The following ANLN variants were observed in gnomAD, a reference collection of about 807,000 sequenced individuals.
ANLN encodes anillin, actin binding protein.
In ANLN, 59 loss-of-function variants were observed where a neutral mutation model predicts 135.1. That is an observed-to-expected ratio of 0.44 (90% CI 0.35 to 0.54). The LOEUF (loss-of-function observed/expected upper bound fraction) is 0.54. Ranked by LOEUF, ANLN falls within the 20% of genes least tolerant of loss-of-function variation. The pLI, the probability that ANLN is intolerant of heterozygous loss-of-function variation, is 0.00. For missense variants in ANLN, 1,182 were observed against 1,340.0 expected, an observed-to-expected ratio of 0.88 and a Z score of 1.84; for synonymous variants, 406 against 456.4, an observed-to-expected ratio of 0.89 and a Z score of 1.41.
chr7:36,447,676 G>A lies in ANLN; in HGVS notation c.3079-1989G>A, dbSNP rs773894350. Among the ~76,000 whole-genome samples the A allele has an allele frequency of 5.3e-5, 8 of 152,038 alleles. 1 individual carries two copies. Among genetic ancestry groups the A allele is most frequent in the Admixed American group, 2.6e-4 (4 of 15,264 alleles). ...CTCAGTTGATCCTATAACTCAGAACGCTACTAAGTGACTACTGAGCAGGTA... is the reference window on the plus strand; with the variant it reads ...CTCAGTTGATCCTATAACTCAGAACACTACTAAGTGACTACTGAGCAGGTA... On this transcript the variant is annotated intron_variant, in intron 22 of 23. Coordinates refer to ENST00000265748, the MANE Select transcript of ANLN (RefSeq NM_018685.5).
Position 36,420,376 on chromosome 7 carries a change from G to A in ANLN, c.2015+62G>A, listed in dbSNP as rs934743767. 2.8e-5 allele frequency: 43 copies of A among 1,553,930 alleles called. No individual in the cohort carries two copies. In the East Asian group the frequency reaches 4.1e-4, roughly 15 times the overall value. On this transcript the variant is annotated intron_variant, in intron 11 of 23. Transcript: ENST00000265748. ...GTCATGGTTTAGATTGACATAAGTC[G>A]TGTTATAATTTGTAATTATAATGTT...
chr7:36,421,065 A>G (rs1022096065), intron 12 of ANLN, among the ~76,000 whole-genome samples: 13 of 149,496 alleles, frequency 8.7e-5, no homozygotes, highest in Non-Finnish European at 1.9e-4. Context: ...TTTTCATGCT[A>G]AGGAAGCTTT....
intron 20 of ANLN, among the ~76,000 whole-genome samples, chr7:36,435,590 A>G (rs988426591): frequency 6.6e-6 from 1 of 152,070 alleles, no homozygotes; most frequent in Non-Finnish European, 1.5e-5. Context: ...AGATTTATCC[A>G]TGGCCGGGCG....
intron 19 of ANLN, 35 bp from the exon 20 acceptor site, chr7:36,426,881 T>C: frequency 7.2e-7 from 1 of 1,382,442 alleles, no homozygotes. Flanking sequence ...ACAAAAGTCA[T>C]TCTGAACTAA....
At chr7:36,433,608 T>C (rs1788414559) in intron 20 of ANLN, among the ~76,000 whole-genome samples, 1 of 152,228 alleles carries the variant, frequency 6.6e-6, no homozygotes, top group African/African-American at 2.4e-5. Flanking sequence ...CCATTGTCTC[T>C]TAAAGTTATT....
intron 2 of ANLN, among the ~76,000 whole-genome samples, chr7:36,397,581 A>G (rs1270537879): frequency 6.6e-6 from 1 of 152,222 alleles, no homozygotes. Flanking sequence ...AGTGAGTTAT[A>G]AAACATTAGA....
rs75513850 is a variant in ANLN at position 36,452,748 on chromosome 7, T to C, written c.*148T>C. 162 of 827,660 alleles carry C rather than the reference T, an allele frequency of 2.0e-4. No homozygotes were observed. In the African/African-American group the frequency reaches 2.5e-3, roughly 13 times the overall value. The allele number at this position is 827,660 out of a possible 1,614,324, so 51.3% of individuals were successfully genotyped here. ...CTACGTATTATGCAGTATTTATATC[T>C]TTTGTATGTAAAACTTTAACTGATT... On this transcript the variant is annotated 3_prime_UTR_variant, in exon 24 of 24. Transcript: ENST00000265748.
At chr7:36,402,365 GGCCTCCCAAAATACT>G (rs1198784930) in intron 3 of ANLN, among the ~76,000 whole-genome samples, 1 of 151,492 alleles carries the variant, frequency 6.6e-6, no homozygotes, top group Non-Finnish European at 1.5e-5. Flanking sequence ...CACCCGCCTC[GGCCTCCCAAAATACT>G]GGGATTACAG....
At chr7:36,416,292 TA>T (rs1201106951) in intron 8 of ANLN, among the ~76,000 whole-genome samples, 1 of 152,334 alleles carries the variant, frequency 6.6e-6, no homozygotes, top group East Asian at 1.9e-4. Flanking sequence ...GTACTGGGAT[TA>T]CAGGGGTCAG....
Position 36,406,512 on chromosome 7 carries a change from A to G in ANLN, c.819A>G (p.Leu273=), listed in dbSNP as rs3735398. The G allele has an allele frequency of 0.12, 184,288 of 1,564,226 alleles. 11,382 individuals carry two copies. The highest frequency in any genetic ancestry group is 0.18 in the Admixed American group (10,143 of 54,922). ...GCGATGCCTCTTTGAATAAAGCCCT[A>G]TCCTCAAGTGCTGATGATGCGTCTT... ...RDGDASLNKA[L]SSSADDASLV... Residue 273 remains leucine, a synonymous_variant, in exon 4 of 24, where the codon CTA becomes CTG. Transcript: ENST00000265748.
At chr7:36,400,722 A>C (rs911150683) in intron 3 of ANLN, among the ~76,000 whole-genome samples, 20 of 152,240 alleles carry the variant, frequency 1.3e-4, no homozygotes, top group African/African-American at 4.6e-4. Context: ...GCTTGCAGAC[A>C]GCTCAGTGGC....
chr7:36,415,799 T>C lies in ANLN; in HGVS notation c.1437T>C (p.Gly479=). The C allele has an allele frequency of 1.2e-6, 2 of 1,608,382 alleles. No homozygotes were observed. ...GCACTCCCCTCAAAAAACACCAAGG[T>C]GTTTCAAAAACTCAGTCACTTCCAG... ...CQSTPLKKHQ[G]VSKTQSLPVT... is the part of the protein sequence containing the mutation. Residue 479 remains glycine, a synonymous_variant, in exon 8 of 24, where the codon GGT becomes GGC. Coordinates refer to ENST00000265748, the MANE Select transcript of ANLN (RefSeq NM_018685.5).
chr7:36,419,321 G>A lies in ANLN; in HGVS notation c.1711G>A (p.Asp571Asn), dbSNP rs1031326764. 2 of 1,614,066 alleles carry A rather than the reference G, an allele frequency of 1.2e-6. No individual in the cohort carries two copies. Among genetic ancestry groups the A allele is most frequent in the African/African-American group, 1.3e-5 (1 of 75,054 alleles). Reference protein sequence around the residue: ...SSKVINDLFSDVLEEGELDME... With the variant: ...SSKVINDLFSNVLEEGELDME... ...GAAAGTAATTAATGACCTCTTCAGTGATGTCCTAGAGGAAGGTGAACTAGA... is the reference window on the plus strand; with the variant it reads ...GAAAGTAATTAATGACCTCTTCAGTAATGTCCTAGAGGAAGGTGAACTAGA... The change falls in exon 10 of 24, where the codon GAT becomes AAT. Residue 571 changes from aspartate to asparagine, a missense_variant. By Grantham distance (23) the Asp-to-Asn change is conservative. Transcript: ENST00000265748.
intron 20 of ANLN, among the ~76,000 whole-genome samples, chr7:36,437,754 G>GTTTTA (rs546892503): frequency 3.9e-4 from 59 of 149,918 alleles, no homozygotes; most frequent in South Asian, 8.4e-4. Context: ...CTTTCTAAGA[G>GTTTTA]TTTTATTTTA....
chr7:36,439,288 C>T lies in ANLN; in HGVS notation c.2968C>T (p.Leu990=). Residue 990 remains leucine, a splice_region_variant and synonymous_variant, in exon 21 of 24, where the codon CTA becomes TTA. Coordinates refer to ENST00000265748, the MANE Select transcript of ANLN (RefSeq NM_018685.5). ...VNSSVEERGF[L]TIFEDVSGFG... ...TTCCAGTGTTGAAGAAAGAGGTTTT[C>T]TAGTAAGTAACATCACTTAGTCTTT... 6.6e-7 allele frequency: 1 copy of T among 1,518,426 alleles called. No individual in the cohort carries two copies. Among genetic ancestry groups the T allele is most frequent in the Non-Finnish European group, 9.1e-7 (1 of 1,102,526 alleles). The allele number at this position is 1,518,426 out of a possible 1,614,324, so 94.1% of individuals were successfully genotyped here.
chr7:36,452,180 A>T (rs994290038), intron 23 of ANLN, among the ~76,000 whole-genome samples: 3 of 152,166 alleles, frequency 2.0e-5, no homozygotes, highest in Non-Finnish European at 2.9e-5. Context: ...TGGGTGTCCT[A>T]TACCATCAGG....
intron 20 of ANLN, among the ~76,000 whole-genome samples, chr7:36,435,618 A>G (rs1013848208): frequency 6.6e-6 from 1 of 152,056 alleles, no homozygotes. Context: ...TCACGCCTGT[A>G]ATCCCAGCAC....
At chr7:36,442,045 C>A (rs1441454220) in intron 21 of ANLN, among the ~76,000 whole-genome samples, 1 of 152,082 alleles carries the variant, frequency 6.6e-6, no homozygotes, top group East Asian at 1.9e-4. Context: ...AACATTTGCT[C>A]CCACACGTCA....
At chr7:36,400,607 C>T (rs537164615) in intron 3 of ANLN, among the ~76,000 whole-genome samples, 3 of 151,220 alleles carry the variant, frequency 2.0e-5, no homozygotes, top group South Asian at 4.2e-4. Context: ...CAAGTGATCA[C>T]CCGCCTTGGC....
Sources: gnomAD v4.1 joint callset for allele counts (sites outside exome capture counted in the v4.1 genomes callset) on GRCh38, gnomAD v4.1.1 for gene constraint, MANE v1.5 for transcripts, NCBI Gene and HGNC (gene_info 2026-07-23, HGNC 2026-07-21) for gene names.